The following CDK14 variants were observed in gnomAD, a reference collection of about 807,000 sequenced individuals.
CDK14 encodes cyclin-dependent kinase 14.
A neutral mutation model predicts 60.7 loss-of-function variants in CDK14; 34 were observed. That is an observed-to-expected ratio of 0.56 (90% CI 0.43 to 0.75). The LOEUF (loss-of-function observed/expected upper bound fraction) is 0.75. CDK14 is among the 30% of genes least tolerant of loss of function. The pLI, the probability that CDK14 is intolerant of heterozygous loss-of-function variation, is 0.00. For missense variants in CDK14, 482 were observed against 564.1 expected, an observed-to-expected ratio of 0.85 and a Z score of 1.47; for synonymous variants, 197 against 203.7, an observed-to-expected ratio of 0.97 and a Z score of 0.28.
intron 8 of CDK14, among the ~76,000 whole-genome samples, chr7:90,952,716 A>G (rs907787640): frequency 2.0e-5 from 3 of 152,178 alleles, no homozygotes; most frequent in Admixed American, 6.5e-5. Context: ...ATAATAATCC[A>G]TGAACTGCGT....
chr7:90,743,149 G>A (rs1467993480), intron 3 of CDK14, among the ~76,000 whole-genome samples: 1 of 152,060 alleles, frequency 6.6e-6, no homozygotes, highest in Non-Finnish European at 1.5e-5. Context: ...TTGGTTTTAA[G>A]GTTTTTGGAT....
intron 2 of CDK14, among the ~76,000 whole-genome samples, chr7:90,704,914 G>T (rs1268949992): frequency 6.6e-6 from 1 of 151,702 alleles, no homozygotes; most frequent in Non-Finnish European, 1.5e-5. Context: ...AAGTTTTTAG[G>T]GTTCACAAAA....
At chr7:90,638,506 A>G (rs1800219943) in intron 2 of CDK14, among the ~76,000 whole-genome samples, 1 of 152,188 alleles carries the variant, frequency 6.6e-6, no homozygotes. Flanking sequence ...ATCCGCTGTT[A>G]GTCTGATGGG....
At chr7:90,784,572 A>G (rs1805488303) in intron 4 of CDK14, among the ~76,000 whole-genome samples, 1 of 152,200 alleles carries the variant, frequency 6.6e-6, no homozygotes, top group African/African-American at 2.4e-5. Flanking sequence ...TTTAAAAAGA[A>G]ATTAATTTAA....
At chr7:90,851,800 T>A (rs1481056602) in intron 5 of CDK14, among the ~76,000 whole-genome samples, 2 of 152,064 alleles carry the variant, frequency 1.3e-5, no homozygotes, top group African/African-American at 4.8e-5. Flanking sequence ...TTATGACAAT[T>A]TGAAGTTACC....
At chr7:90,788,563 G>T (rs537772118) in intron 4 of CDK14, among the ~76,000 whole-genome samples, 2 of 152,188 alleles carry the variant, frequency 1.3e-5, no homozygotes, top group East Asian at 1.9e-4. Context: ...GAGATGGTAC[G>T]TTGTGGAGCC....
intron 2 of CDK14, among the ~76,000 whole-genome samples, chr7:90,672,502 GTT>G (rs201978996): frequency 0.019 from 957 of 49,800 alleles, 2 homozygotes; most frequent in Non-Finnish European, 0.024. Flanking sequence ...TTCTTCTTCT[GTT>G]TTTTTTTTTT....
intron 2 of CDK14, among the ~76,000 whole-genome samples, chr7:90,614,590 A>T (rs1008371411): frequency 6.6e-6 from 1 of 151,902 alleles, no homozygotes; most frequent in Non-Finnish European, 1.5e-5. Context: ...TAGTTTTCTT[A>T]AATTTCTTTT....
chr7:90,624,542 A>T (rs555675033), intron 2 of CDK14, among the ~76,000 whole-genome samples: 1 of 152,300 alleles, frequency 6.6e-6, no homozygotes, highest in South Asian at 2.1e-4. Flanking sequence ...CAAACTGTGG[A>T]GGCAGTACTG....
intron 5 of CDK14, among the ~76,000 whole-genome samples, chr7:90,849,159 CG>C (rs1790562773): frequency 6.6e-6 from 1 of 152,048 alleles, no homozygotes; most frequent in Admixed American, 6.6e-5. Flanking sequence ...GGTGCTCTTA[CG>C]GGGCAGTGAG....
intron 2 of CDK14, among the ~76,000 whole-genome samples, chr7:90,682,736 A>G (rs1349597011): frequency 6.6e-6 from 1 of 152,180 alleles, no homozygotes; most frequent in Non-Finnish European, 1.5e-5. Context: ...TACTTGTCAT[A>G]TCTTTTTAGT....
chr7:91,057,279 G>A (rs1384145439), intron 11 of CDK14, among the ~76,000 whole-genome samples: 1 of 151,958 alleles, frequency 6.6e-6, no homozygotes, highest in African/African-American at 2.4e-5. Context: ...AAATTTGTTT[G>A]AGTTCATTGT....
chr7:90,696,554 A>G (rs945739718), intron 2 of CDK14, among the ~76,000 whole-genome samples: 1 of 151,668 alleles, frequency 6.6e-6, no homozygotes, highest in African/African-American at 2.4e-5. Flanking sequence ...GCCTCAAGTG[A>G]TCCGCCCACC....
intron 14 of CDK14, among the ~76,000 whole-genome samples, chr7:91,122,654 C>G (rs1435262926): frequency 6.6e-6 from 1 of 152,200 alleles, no homozygotes; most frequent in Non-Finnish European, 1.5e-5. Flanking sequence ...ATGTTCCCTT[C>G]ACTTCAGGGC....
At chr7:90,955,555 G>C in intron 8 of CDK14, 142 bp from the exon 9 acceptor site, 1 of 802,632 alleles carries the variant, frequency 1.2e-6, no homozygotes, top group Non-Finnish European at 2.0e-6. Context: ...GCTTTCCCCA[G>C]TTTTCTATTA....
At chr7:90,637,118 C>T (rs77186366) in intron 2 of CDK14, among the ~76,000 whole-genome samples, 90,086 of 151,794 alleles carry the variant, frequency 0.59, 27,082 homozygotes, top group East Asian at 0.71. Context: ...AAAGGGTTTT[C>T]TTGGTCTCTA....
chr7:90,750,214 A>G (rs1439982898), intron 4 of CDK14, among the ~76,000 whole-genome samples: 2 of 152,136 alleles, frequency 1.3e-5, no homozygotes, highest in Admixed American at 6.5e-5. Context: ...ATAATATTAC[A>G]GAGAAAGAAA....
chr7:90,936,441 T>G (rs1793754428), intron 8 of CDK14, among the ~76,000 whole-genome samples: 1 of 152,212 alleles, frequency 6.6e-6, no homozygotes, highest in Non-Finnish European at 1.5e-5. Flanking sequence ...CCTCAAAATA[T>G]TCATAAAATG....
intron 14 of CDK14, among the ~76,000 whole-genome samples, chr7:91,180,286 T>G (rs1192281194): frequency 1.3e-5 from 2 of 152,202 alleles, no homozygotes; most frequent in Non-Finnish European, 2.9e-5. Flanking sequence ...TTCAAGGAGT[T>G]TACCCTTCCT....
Sources: allele counts gnomAD v4.1 joint callset (sites outside exome capture counted in the v4.1 genomes callset), GRCh38; gene constraint gnomAD v4.1.1; transcripts MANE v1.5; gene names NCBI Gene and HGNC (gene_info 2026-07-23, HGNC 2026-07-21).